Variants in FABP6 observed in about 807,000 individuals in gnomAD.
FABP6 encodes fatty acid binding protein 6, also known as gastrotropin.
A neutral mutation model predicts 14.9 loss-of-function variants in FABP6; 13 were observed. That is an observed-to-expected ratio of 0.87 (90% CI 0.57 to 1.39). The LOEUF (loss-of-function observed/expected upper bound fraction) is 1.39. Ranked by LOEUF, FABP6 falls within the 40% of genes most tolerant of loss-of-function variation. The pLI, the probability that FABP6 is intolerant of heterozygous loss-of-function variation, is 0.00. For missense variants in FABP6, 161 were observed against 167.2 expected, an observed-to-expected ratio of 0.96 and a Z score of 0.20; for synonymous variants, 75 against 63.6, an observed-to-expected ratio of 1.18 and a Z score of -0.85.
upstream of FABP6, among the ~76,000 whole-genome samples, chr5:160,226,515 C>G (rs183935368): frequency 6.8e-6 from 1 of 147,648 alleles, no homozygotes; most frequent in Non-Finnish European, 1.5e-5. Flanking sequence ...GAGCCGAGAT[C>G]GCCCCATGAG....
At chr5:160,235,945 G>A (rs1047570153) in intron 3 of FABP6, among the ~76,000 whole-genome samples, 15 of 151,906 alleles carry the variant, frequency 9.9e-5, no homozygotes, top group Admixed American at 9.8e-4. Flanking sequence ...GTGCCAGCAT[G>A]GTCAGGGGCT....
At chr5:160,214,391 T>G (rs907632321) in intron 3 of FABP6, among the ~76,000 whole-genome samples, 1 of 151,870 alleles carries the variant, frequency 6.6e-6, no homozygotes, top group African/African-American at 2.4e-5. Flanking sequence ...TCTTGCACTC[T>G]TGGCCTCAAG....
At chr5:160,230,479 G>C (rs2113138904) in intron 1 of FABP6, among the ~76,000 whole-genome samples, 1 of 152,242 alleles carries the variant, frequency 6.6e-6, no homozygotes, top group Non-Finnish European at 1.5e-5. Context: ...TCCTACCTCA[G>C]CCTCTCAAGT....
At chr5:160,227,664 G>A (rs115027039), upstream of FABP6, among the ~76,000 whole-genome samples, 418 of 151,608 alleles carry the variant, frequency 2.8e-3, 1 homozygote, top group African/African-American at 9.2e-3. Context: ...CAGCCTGGGC[G>A]ACAAAGAGAG....
rs187479763 is a variant in FABP6, at chr5:160,208,850, C to T, written c.52-4886C>T. 7.2e-3 allele frequency among the ~76,000 whole-genome samples: 1,062 copies of T among 148,302 alleles called. 5 individuals are homozygous for T. The highest frequency in any genetic ancestry group is 0.014 in the Middle Eastern group (4 of 284). On this transcript the variant is annotated intron_variant, in intron 2 of 6. Coordinates refer to the FABP6 transcript ENST00000393980. Reference sequence around the variant, plus strand: ...GGAGTGCAGTGGTGTGATCTCGGCTCACTGCAACCTCTGCCTCCCGGATTC... The same window carrying T: ...GGAGTGCAGTGGTGTGATCTCGGCTTACTGCAACCTCTGCCTCCCGGATTC...
chr5:160,198,867 T>G, intron 1 of FABP6: 1 of 558,462 alleles, frequency 1.8e-6, no homozygotes, highest in Non-Finnish European at 3.2e-6. Context: ...TTACAGCACT[T>G]TTGACTTTAT....
intron 2 of FABP6, among the ~76,000 whole-genome samples, chr5:160,200,584 T>G (rs1759615197): frequency 6.6e-6 from 1 of 152,104 alleles, no homozygotes; most frequent in Non-Finnish European, 1.5e-5. Flanking sequence ...GGCTAATTTT[T>G]TGTATTTTTA....
chr5:160,213,618 T>G (rs1759939222), intron 2 of FABP6: 1 of 815,948 alleles, frequency 1.2e-6, no homozygotes, highest in Non-Finnish European at 2.1e-6. Context: ...CAGTTTCCAT[T>G]GCTTGCAATT....
chr5:160,228,510 C>T (rs552509130), upstream of FABP6: 5 of 456,300 alleles, frequency 1.1e-5, no homozygotes, highest in Admixed American at 4.7e-5. Flanking sequence ...GGAGTGATCA[C>T]GGAGGAGATA....
chr5:160,225,106 G>GT (rs1374393705), upstream of FABP6, among the ~76,000 whole-genome samples: 9 of 139,258 alleles, frequency 6.5e-5, no homozygotes, highest in South Asian at 1.2e-3. Context: ...TTTTTTTTTT[G>GT]TTTTTTTTGA....
chr5:160,193,782 A>C (rs2113057225), intron 1 of FABP6, among the ~76,000 whole-genome samples: 1 of 152,344 alleles, frequency 6.6e-6, no homozygotes, highest in Non-Finnish European at 1.5e-5. Flanking sequence ...CCTGAGCTAG[A>C]CATAAAGATT....
chr5:160,221,198 G>A (rs1184054085), intron 3 of FABP6, among the ~76,000 whole-genome samples: 2 of 151,900 alleles, frequency 1.3e-5, no homozygotes. Flanking sequence ...AATCAATGGT[G>A]TGTCTGAAGT....
chr5:160,199,801 A>G (rs918415388), intron 2 of FABP6, among the ~76,000 whole-genome samples: 53 of 152,300 alleles, frequency 3.5e-4, no homozygotes, highest in African/African-American at 1.3e-3. Context: ...GGGAGTTCAC[A>G]GCCTAACCTG....
chr5:160,217,641 A>G (rs1042927697), intron 3 of FABP6, among the ~76,000 whole-genome samples: 8 of 151,484 alleles, frequency 5.3e-5, no homozygotes, highest in Non-Finnish European at 8.8e-5. Context: ...TTATTTTATT[A>G]TTATTATTAT....
intron 1 of FABP6, among the ~76,000 whole-genome samples, chr5:160,231,043 C>T (rs942507559): frequency 6.6e-6 from 1 of 152,198 alleles, no homozygotes; most frequent in Non-Finnish European, 1.5e-5. Flanking sequence ...AAGTCTCAGG[C>T]AGTGTAACTC....
upstream of FABP6, among the ~76,000 whole-genome samples, chr5:160,225,768 T>A (rs763662066): frequency 3.3e-5 from 5 of 152,130 alleles, no homozygotes; most frequent in Non-Finnish European, 7.4e-5. Context: ...AAAAATAGAA[T>A]ACAATATTGT....
At chr5:160,194,534 C>T (rs921048381) in intron 1 of FABP6, among the ~76,000 whole-genome samples, 4 of 151,844 alleles carry the variant, frequency 2.6e-5, no homozygotes, top group Non-Finnish European at 2.9e-5. Context: ...GAGCAAGACC[C>T]GGTCTCAAAA....
chr5:160,232,636 C>T (rs1304754573), intron 2 of FABP6, among the ~76,000 whole-genome samples: 2 of 152,126 alleles, frequency 1.3e-5, no homozygotes, highest in African/African-American at 2.4e-5. Flanking sequence ...GTGGCTCATG[C>T]CTGTAATCCC....
At chr5:160,226,916 T>C (rs1760259057), upstream of FABP6, among the ~76,000 whole-genome samples, 3 of 152,220 alleles carry the variant, frequency 2.0e-5, no homozygotes, top group Admixed American at 2.0e-4. Flanking sequence ...AATACTACAA[T>C]CCTTTGTTCC....
Sources: allele counts gnomAD v4.1 joint callset (sites outside exome capture counted in the v4.1 genomes callset), GRCh38; gene constraint gnomAD v4.1.1; transcripts MANE v1.5; gene names NCBI Gene and HGNC (gene_info 2026-07-23, HGNC 2026-07-21).